PPP2R2B: variants seen among roughly 807,000 people sequenced by gnomAD.
The protein encoded by PPP2R2B is protein phosphatase 2 regulatory subunit Bbeta.
Under a neutral mutation model 46.0 loss-of-function variants are expected in PPP2R2B, and 5 were observed. The observed-to-expected ratio is 0.11, with a 90% CI of 0.06 to 0.23. The LOEUF is 0.23. Among genes scored for constraint, PPP2R2B ranks in the 10% least tolerant of loss-of-function variants. The pLI is 1.00. For synonymous variants in PPP2R2B, 215 were observed against 206.7 expected, an observed-to-expected ratio of 1.04 and a Z score of -0.34; for missense variants, 367 against 575.0, an observed-to-expected ratio of 0.64 and a Z score of 3.70.
At chr5:147,000,337 C>T (rs1051620430) in intron 1 of PPP2R2B, among the ~76,000 whole-genome samples, 1 of 152,046 alleles carries the variant, frequency 6.6e-6, no homozygotes, top group African/African-American at 2.4e-5. Context: ...TCTAAGGGCT[C>T]TTCAAGTTTG....
At chr5:146,636,780 T>A (rs1561792323) in intron 7 of PPP2R2B, among the ~76,000 whole-genome samples, 1 of 152,270 alleles carries the variant, frequency 6.6e-6, no homozygotes, top group East Asian at 1.9e-4. Context: ...TCATTGCTAT[T>A]TAACCTCATT....
At chr5:146,655,383 T>A (rs1776256516) in intron 5 of PPP2R2B, among the ~76,000 whole-genome samples, 1 of 152,128 alleles carries the variant, frequency 6.6e-6, no homozygotes, top group Admixed American at 6.5e-5. Flanking sequence ...CTTCAATCAG[T>A]CCCTGCTCAA....
chr5:146,753,174 G>A (rs1753653581), intron 2 of PPP2R2B, among the ~76,000 whole-genome samples: 1 of 152,202 alleles, frequency 6.6e-6, no homozygotes, highest in Non-Finnish European at 1.5e-5. Flanking sequence ...TATTTATCAT[G>A]ACACATGTGG....
Position 146,878,530 on chromosome 5 carries a change from A to G in PPP2R2B, c.-125+61T>C. 1 of 1,268,484 alleles carries G rather than the reference A, an allele frequency of 7.9e-7. No homozygotes were observed. Among genetic ancestry groups the G allele is most frequent in the Non-Finnish European group, 1.0e-6 (1 of 990,802 alleles). The allele number at this position is 1,268,484 out of a possible 1,614,324, so 78.6% of individuals were successfully genotyped here. ...TGGGAGAGCGGGCAGCCGCGACAAA[A>G]TGGTGCCTTTCTGGACCCGAGCTGC... On this transcript the variant is annotated intron_variant, in intron 1 of 9. Transcript: ENST00000394411. The surrounding 1 kb of genome is among the most constrained non-coding windows in gnomAD (Gnocchi z 4.5).
chr5:146,728,784 C>T (rs1244350101), intron 2 of PPP2R2B, among the ~76,000 whole-genome samples: 1 of 152,080 alleles, frequency 6.6e-6, no homozygotes, highest in African/African-American at 2.4e-5. Flanking sequence ...TTTCTCTTGC[C>T]GCTACCAAGT....
intron 2 of PPP2R2B, among the ~76,000 whole-genome samples, chr5:146,834,451 TG>T (rs1478737415): frequency 6.6e-6 from 1 of 152,236 alleles, no homozygotes; most frequent in African/African-American, 2.4e-5. Flanking sequence ...AAATGACTTT[TG>T]TTTTGGTTTA....
At chr5:146,764,154 C>A (rs559993994) in intron 2 of PPP2R2B, among the ~76,000 whole-genome samples, 2 of 152,204 alleles carry the variant, frequency 1.3e-5, no homozygotes, top group African/African-American at 4.8e-5. Flanking sequence ...TGAAGGACTT[C>A]ATGGAGCCAG....
chr5:146,806,755 T>C (rs1157355891), intron 2 of PPP2R2B, among the ~76,000 whole-genome samples: 1 of 152,240 alleles, frequency 6.6e-6, no homozygotes, highest in Non-Finnish European at 1.5e-5. Flanking sequence ...ATCTCTGCCC[T>C]TTTTTATCCT....
intron 2 of PPP2R2B, among the ~76,000 whole-genome samples, chr5:146,836,752 T>C (rs1024323414): frequency 2.0e-5 from 3 of 152,222 alleles, no homozygotes; most frequent in Non-Finnish European, 1.5e-5. Context: ...GATGTAGTCT[T>C]AGGACATATT....
chr5:146,790,787 A>G (rs1314734394), intron 2 of PPP2R2B, among the ~76,000 whole-genome samples: 1 of 152,222 alleles, frequency 6.6e-6, no homozygotes, highest in African/African-American at 2.4e-5. Flanking sequence ...GTGAAGCATT[A>G]TATTATGATT....
chr5:146,672,935 G>A (rs1345497408), intron 5 of PPP2R2B, among the ~76,000 whole-genome samples: 1 of 152,162 alleles, frequency 6.6e-6, no homozygotes, highest in Non-Finnish European at 1.5e-5. Context: ...CCTGAGATAT[G>A]ACACCAAATA....
intron 2 of PPP2R2B, among the ~76,000 whole-genome samples, chr5:146,811,896 C>G (rs1757576013): frequency 6.6e-6 from 1 of 151,994 alleles, no homozygotes; most frequent in Non-Finnish European, 1.5e-5. Context: ...CTGTCACTAT[C>G]ACACTAAAGC....
chr5:147,047,229 T>C lies in PPP2R2B; in HGVS notation c.79+8436A>G, dbSNP rs77012525. Among the ~76,000 whole-genome samples the C allele has an allele frequency of 0.011, 1,746 of 152,170 alleles. 96 individuals carry two copies. In the East Asian group the frequency reaches 0.18, roughly 16 times the overall value. ...TGGATAGGAGGGATAAGTTCCAGTG[T>C]TCTATACCACTGTATGATGACTATA... On this transcript the variant is annotated intron_variant, in intron 1 of 8. Transcript: ENST00000336640.
upstream of PPP2R2B, among the ~76,000 whole-genome samples, chr5:147,058,233 C>T (rs146306147): frequency 5.9e-5 from 9 of 152,114 alleles, no homozygotes; most frequent in East Asian, 1.9e-4. Flanking sequence ...TTTATGTGGA[C>T]GTGAAGGTCC....
intron 2 of PPP2R2B, among the ~76,000 whole-genome samples, chr5:146,804,247 A>C (rs528692144): frequency 7.4e-4 from 112 of 152,254 alleles, no homozygotes; most frequent in African/African-American, 2.5e-3. Flanking sequence ...AGGCATTGTT[A>C]TAGGCATTTT....
chr5:146,873,885 C>T (rs1447892526), intron 2 of PPP2R2B, among the ~76,000 whole-genome samples: 5 of 152,296 alleles, frequency 3.3e-5, no homozygotes, highest in African/African-American at 7.2e-5. Context: ...GAACTGCAGA[C>T]TCCATTCTCA....
At chr5:146,765,378 A>G (rs1754415470) in intron 2 of PPP2R2B, among the ~76,000 whole-genome samples, 1 of 152,206 alleles carries the variant, frequency 6.6e-6, no homozygotes, top group Non-Finnish European at 1.5e-5. Flanking sequence ...GGCTTTAACA[A>G]CATATGAGAA....
chr5:146,933,125 A>G (rs1764020512), intron 1 of PPP2R2B, among the ~76,000 whole-genome samples: 1 of 152,172 alleles, frequency 6.6e-6, no homozygotes, highest in South Asian at 2.1e-4. Flanking sequence ...AAATTCTTAT[A>G]TATATTTTTA....
chr5:146,952,646 T>G (rs560347126), intron 1 of PPP2R2B, among the ~76,000 whole-genome samples: 37 of 152,274 alleles, frequency 2.4e-4, no homozygotes, highest in African/African-American at 8.4e-4. Context: ...TTGCTAGCTT[T>G]AGCCAGGATC....
Sources: gnomAD v4.1 joint callset for allele counts (sites outside exome capture counted in the v4.1 genomes callset) on GRCh38, gnomAD v4.1.1 for gene constraint, Gnocchi (gnomAD v3.1) non-coding constraint, MANE v1.5 for transcripts, NCBI Gene and HGNC (gene_info 2026-07-23, HGNC 2026-07-21) for gene names.